LRRIQ1: variants seen among roughly 807,000 people sequenced by gnomAD.
LRRIQ1 encodes leucine rich repeats and IQ motif containing 1.
Under a neutral mutation model 211.9 loss-of-function variants are expected in LRRIQ1, and 210 were observed. The observed-to-expected ratio is 0.99, with a 90% confidence interval of 0.89 to 1.11. LRRIQ1 has a LOEUF of 1.11. LRRIQ1 is among the 50% of genes most tolerant of loss of function. The probability of loss-of-function intolerance (pLI) is 0.00; values close to 1 mark genes in which losing one functional copy is unlikely to be tolerated. For missense variants in LRRIQ1, 2,136 were observed against 1,939.5 expected, an observed-to-expected ratio of 1.10 and a Z score of -1.90; for synonymous variants, 699 against 650.1, an observed-to-expected ratio of 1.08 and a Z score of -1.14.
At chr12:85,212,329 GAAAAA>G (rs907540463) in intron 24 of LRRIQ1, among the ~76,000 whole-genome samples, 1 of 150,978 alleles carries the variant, frequency 6.6e-6, no homozygotes, top group African/African-American at 2.4e-5. Flanking sequence ...GAAAAGAAAA[GAAAAA>G]AAACAGGGAA....
intron 17 of LRRIQ1, among the ~76,000 whole-genome samples, chr12:85,126,857 G>A (rs1040557896): frequency 1.3e-5 from 2 of 152,086 alleles, no homozygotes; most frequent in African/African-American, 4.8e-5. Flanking sequence ...GTCATATCTA[G>A]TAGAGTTTAT....
At chr12:85,153,639 A>G in intron 21 of LRRIQ1, 24 bp from the exon 22 acceptor site, 1 of 1,465,694 alleles carries the variant, frequency 6.8e-7, no homozygotes, top group Non-Finnish European at 9.4e-7. Flanking sequence ...GATTCAGTTA[A>G]AAGTGGTTTT....
At chr12:85,234,358 C>T (rs1895082190) in intron 26 of LRRIQ1, among the ~76,000 whole-genome samples, 1 of 152,046 alleles carries the variant, frequency 6.6e-6, no homozygotes, top group Non-Finnish European at 1.5e-5. Context: ...ATCCTTTTTC[C>T]ATACTCCTCT....
chr12:85,124,356 A>G lies in LRRIQ1; in HGVS notation c.3844A>G (p.Thr1282Ala). The G allele has an allele frequency of 6.2e-7, 1 of 1,614,122 alleles. No individual in the cohort carries two copies. Among genetic ancestry groups the G allele is most frequent in the Non-Finnish European group, 8.5e-7 (1 of 1,180,028 alleles). ...SSHSPLSKSA[T>A]CENMEGRHQE... ...CCACTCCCCATTAAGCAAATCCGCC[A>G]CATGTGAAAATATGGAAGGAAGACA... The change falls in exon 17 of 27, where the codon ACA becomes GCA. Residue 1282 changes from threonine (T) to alanine (A), a missense_variant. Thr to Ala is a moderately conservative substitution (Grantham distance 58). Transcript: ENST00000393217.
chr12:85,187,673 G>T, intron 24 of LRRIQ1, among the ~76,000 whole-genome samples: 1 of 151,780 alleles, frequency 6.6e-6, no homozygotes, highest in East Asian at 1.9e-4. Context: ...GCTGGGCGTG[G>T]TGGCTCATGC....
At chr12:85,126,037 T>G (rs1262571511) in intron 17 of LRRIQ1, among the ~76,000 whole-genome samples, 3 of 152,190 alleles carry the variant, frequency 2.0e-5, no homozygotes, top group Admixed American at 6.5e-5. Flanking sequence ...AAGACACTTT[T>G]GACATTATAA....
intron 2 of LRRIQ1, among the ~76,000 whole-genome samples, chr12:85,039,310 GA>G (rs1238719458): frequency 6.6e-6 from 1 of 151,116 alleles, no homozygotes; most frequent in South Asian, 2.1e-4. Context: ...ATTACCAGGG[GA>G]AAAAATTATT....
intron 24 of LRRIQ1, among the ~76,000 whole-genome samples, chr12:85,228,096 C>T (rs964445919): frequency 6.6e-6 from 1 of 152,158 alleles, no homozygotes; most frequent in Non-Finnish European, 1.5e-5. Flanking sequence ...CAATACCATT[C>T]AGGACATAGG....
At chr12:85,200,705 T>C (rs1467540600) in intron 24 of LRRIQ1, among the ~76,000 whole-genome samples, 1 of 152,218 alleles carries the variant, frequency 6.6e-6, no homozygotes, top group Non-Finnish European at 1.5e-5. Flanking sequence ...AGAATTCTTG[T>C]GGTTTTTGTT....
intron 18 of LRRIQ1, among the ~76,000 whole-genome samples, chr12:85,137,495 C>G (rs1889218944): frequency 6.6e-6 from 1 of 151,468 alleles, no homozygotes; most frequent in Non-Finnish European, 1.5e-5. Context: ...TATACATAAT[C>G]ATTTGAACAT....
intron 10 of LRRIQ1, among the ~76,000 whole-genome samples, chr12:85,070,396 A>G (rs767742196): frequency 1.3e-5 from 2 of 151,960 alleles, no homozygotes; most frequent in African/African-American, 4.8e-5. Context: ...TGAATTTTCT[A>G]TTTGATCATT....
intron 24 of LRRIQ1, among the ~76,000 whole-genome samples, chr12:85,220,614 G>C (rs542133655): frequency 8.1e-4 from 121 of 149,884 alleles, no homozygotes; most frequent in African/African-American, 2.7e-3. Context: ...TTTTGGTTTT[G>C]TGTTTTATTT....
At chr12:85,224,283 T>A (rs573992655) in intron 24 of LRRIQ1, among the ~76,000 whole-genome samples, 1 of 152,210 alleles carries the variant, frequency 6.6e-6, no homozygotes, top group South Asian at 2.1e-4. Flanking sequence ...TAGGAACACT[T>A]TTACACTGTT....
At chr12:85,158,885 T>TTTTATTTA (rs147276344) in intron 23 of LRRIQ1, among the ~76,000 whole-genome samples, 3 of 151,368 alleles carry the variant, frequency 2.0e-5, no homozygotes, top group African/African-American at 4.8e-5. Context: ...TGGGTTGTGT[T>TTTTATTTA]TTTATTTATT....
chr12:85,080,131 C>A (rs1352920322), intron 11 of LRRIQ1, among the ~76,000 whole-genome samples: 1 of 151,864 alleles, frequency 6.6e-6, no homozygotes, highest in African/African-American at 2.4e-5. Context: ...TATAGACTTA[C>A]CATTTGTATT....
intron 18 of LRRIQ1, among the ~76,000 whole-genome samples, chr12:85,134,426 C>G (rs866772162): frequency 6.6e-6 from 1 of 152,010 alleles, no homozygotes; most frequent in South Asian, 2.1e-4. Flanking sequence ...GTCTCAGTCC[C>G]CTTTAAAATG....
downstream of LRRIQ1, among the ~76,000 whole-genome samples, chr12:85,246,725 A>G (rs143965673): frequency 3.3e-5 from 5 of 151,688 alleles, no homozygotes; most frequent in East Asian, 5.8e-4. Flanking sequence ...TGAAAACACT[A>G]CTAATCTCTG....
At chr12:85,107,883 C>T (rs555408036) in intron 15 of LRRIQ1, among the ~76,000 whole-genome samples, 16 of 152,098 alleles carry the variant, frequency 1.1e-4, no homozygotes, top group Admixed American at 3.9e-4. Context: ...TTGTGTATTT[C>T]TTTAACATTT....
intron 24 of LRRIQ1, among the ~76,000 whole-genome samples, chr12:85,205,489 C>G (rs189391944): frequency 2.0e-5 from 3 of 152,184 alleles, no homozygotes; most frequent in Admixed American, 2.0e-4. Context: ...GATAGATTTC[C>G]TTTGTGGGTG....
Sources: gnomAD v4.1 joint callset for allele counts (sites outside exome capture counted in the v4.1 genomes callset) on GRCh38, gnomAD v4.1.1 for gene constraint, MANE v1.5 for transcripts, NCBI Gene and HGNC (gene_info 2026-07-23, HGNC 2026-07-21) for gene names.